STK17B: variants seen among roughly 807,000 people sequenced by gnomAD.
STK17B encodes serine/threonine kinase 17b, also known as serine/threonine-protein kinase 17B.
In STK17B, 21 loss-of-function variants were observed where a neutral mutation model predicts 42.0. That is an observed-to-expected ratio of 0.50 (90% CI 0.35 to 0.72). The LOEUF (loss-of-function observed/expected upper bound fraction) is 0.72. Among genes scored for constraint, STK17B ranks in the 30% least tolerant of loss-of-function variants. STK17B has a pLI of 0.00. For missense variants in STK17B, 349 were observed against 446.0 expected, an observed-to-expected ratio of 0.78 and a Z score of 1.96; for synonymous variants, 143 against 148.4, an observed-to-expected ratio of 0.96 and a Z score of 0.26.
chr2:196,134,889 T>G lies in STK17B; in HGVS notation c.*2558A>C, dbSNP rs568072584. ...AATCTTGGGAGAAAAAGAGTAAGAATTGAATCATTTGCTAAAAAGCTCTTA... is the reference window on the plus strand; with the variant it reads ...AATCTTGGGAGAAAAAGAGTAAGAAGTGAATCATTTGCTAAAAAGCTCTTA... On this transcript the variant is annotated 3_prime_UTR_variant, in exon 8 of 8. Coordinates refer to ENST00000263955, the MANE Select transcript of STK17B (RefSeq NM_004226.4). The G allele has an allele frequency of 6.6e-6, 1 of 152,330 alleles. No homozygotes were observed. The highest frequency in any genetic ancestry group is 2.4e-5 in the African/African-American group (1 of 41,576). 9.4% of individuals were successfully genotyped at this position (152,330 alleles called of 1,614,324 possible).
At chr2:196,172,302 A>C (rs1699958302), upstream of STK17B, among the ~76,000 whole-genome samples, 1 of 152,236 alleles carries the variant, frequency 6.6e-6, no homozygotes, top group East Asian at 1.9e-4. Context: ...AAGATCTGTT[A>C]TCCTTTGAAG....
intron 5 of STK17B, 39 bp from the exon 6 acceptor site, chr2:196,141,336 A>G (rs1699490852): frequency 6.7e-7 from 1 of 1,503,718 alleles, no homozygotes; most frequent in Non-Finnish European, 9.2e-7. Flanking sequence ...ATATTGACAA[A>G]TTTTAAAACA....
intron 1 of STK17B, among the ~76,000 whole-genome samples, chr2:196,163,910 G>A (rs955416060): frequency 4.6e-5 from 7 of 151,406 alleles, no homozygotes; most frequent in Non-Finnish European, 8.8e-5. Context: ...GTAGTGGCTC[G>A]CACCTGTAGT....
chr2:196,140,668 G>A (rs1204738875), intron 6 of STK17B, among the ~76,000 whole-genome samples: 1 of 140,760 alleles, frequency 7.1e-6, no homozygotes, highest in Non-Finnish European at 1.5e-5. Context: ...TGGTTCAAGT[G>A]ATTCTCCTGC....
intron 2 of STK17B, among the ~76,000 whole-genome samples, chr2:196,158,268 G>A (rs1158997259): frequency 6.6e-6 from 1 of 152,096 alleles, no homozygotes; most frequent in Admixed American, 6.6e-5. Context: ...TATTCGCAAA[G>A]GCCAAGATGA....
chr2:196,138,354 T>C (rs994148233), intron 7 of STK17B, among the ~76,000 whole-genome samples: 8 of 152,340 alleles, frequency 5.3e-5, no homozygotes, highest in African/African-American at 1.9e-4. Context: ...ACAGCTGTAT[T>C]ATTTAGTACT....
intron 2 of STK17B, among the ~76,000 whole-genome samples, chr2:196,157,260 A>G (rs1230848081): frequency 1.3e-5 from 2 of 152,186 alleles, no homozygotes; most frequent in Non-Finnish European, 2.9e-5. Flanking sequence ...GTATCACAAC[A>G]ATCCTATATA....
chr2:196,135,565 G>A lies in STK17B; in HGVS notation c.*1882C>T, dbSNP rs1399267203. On this transcript the variant is annotated 3_prime_UTR_variant, in exon 8 of 8. Coordinates refer to ENST00000263955, the MANE Select transcript of STK17B (RefSeq NM_004226.4). ...GGCCGAGGCGGGTGGATCACTTGAA[G>A]TCAGGAGTTTGTGACCAGCCTGGCC... The A allele has an allele frequency of 6.6e-6, 1 of 152,158 alleles. No homozygotes were observed. The highest frequency in any genetic ancestry group is 2.4e-5 in the African/African-American group (1 of 41,420). The allele number at this position is 152,158 out of a possible 1,614,324, so 9.4% of individuals were successfully genotyped here.
At chr2:196,164,908 G>A (rs751760553) in intron 1 of STK17B, among the ~76,000 whole-genome samples, 2 of 152,092 alleles carry the variant, frequency 1.3e-5, no homozygotes, top group Non-Finnish European at 2.9e-5. Flanking sequence ...AACTAGTTTT[G>A]GGGTACATCT....
chr2:196,134,649 G>A lies in STK17B; in HGVS notation c.*2798C>T, dbSNP rs1000480932. 1.3e-5 allele frequency: 2 copies of A among 152,114 alleles called. No homozygotes were observed. The highest frequency in any genetic ancestry group is 2.4e-5 in the African/African-American group (1 of 41,430). 9.4% of individuals were successfully genotyped at this position (152,114 alleles called of 1,614,324 possible). ...ACTGCTCAGAGCTAGGTTCTTTACT[G>A]TAGGGAAAATAATTAAAATGACAAT... On this transcript the variant is annotated 3_prime_UTR_variant, in exon 8 of 8. Coordinates refer to ENST00000263955, the MANE Select transcript of STK17B (RefSeq NM_004226.4).
At chr2:196,169,923 A>C (rs535844747) in intron 1 of STK17B, among the ~76,000 whole-genome samples, 1 of 152,164 alleles carries the variant, frequency 6.6e-6, no homozygotes, top group Non-Finnish European at 1.5e-5. Context: ...TACAATATGT[A>C]TCTCAAAAAT....
At chr2:196,160,230 T>A (rs570541724) in intron 2 of STK17B, among the ~76,000 whole-genome samples, 1 of 140,974 alleles carries the variant, frequency 7.1e-6, no homozygotes, top group African/African-American at 2.5e-5. Context: ...CATTCTAGAA[T>A]ACACAATAAA....
chr2:196,135,032 T>C lies in STK17B; in HGVS notation c.*2415A>G, dbSNP rs1251129955. The C allele has an allele frequency of 1.3e-5, 2 of 152,190 alleles. No homozygotes were observed. Among genetic ancestry groups the C allele is most frequent in the African/African-American group, 4.8e-5 (2 of 41,440 alleles). The allele number at this position is 152,190 out of a possible 1,614,324, so 9.4% of individuals were successfully genotyped here. Reference sequence around the variant, plus strand: ...ACTAGTTGCTTTTTTACTATAAAACTTAATATCAGGAAAAAAGGCATGGAA... The same window carrying C: ...ACTAGTTGCTTTTTTACTATAAAACCTAATATCAGGAAAAAAGGCATGGAA... On this transcript the variant is annotated 3_prime_UTR_variant, in exon 8 of 8. Coordinates refer to ENST00000263955, the MANE Select transcript of STK17B (RefSeq NM_004226.4).
chr2:196,160,766 T>G (rs1699801692), intron 2 of STK17B, among the ~76,000 whole-genome samples: 1 of 152,204 alleles, frequency 6.6e-6, no homozygotes, highest in African/African-American at 2.4e-5. Flanking sequence ...CATAAAGATA[T>G]TTTAAAATGG....
intron 1 of STK17B, among the ~76,000 whole-genome samples, chr2:196,164,350 A>T (rs770150944): frequency 1.7e-4 from 26 of 152,192 alleles, no homozygotes; most frequent in Non-Finnish European, 3.4e-4. Flanking sequence ...ATTTTGTTGG[A>T]AGAGTGACTA....
chr2:196,141,306 AAAGAT>A lies in STK17B; in HGVS notation c.608-14_608-10del. The A allele has an allele frequency of 6.2e-7, 1 of 1,600,004 alleles. No homozygotes were observed. Among genetic ancestry groups the A allele is most frequent in the Non-Finnish European group, 8.5e-7 (1 of 1,171,566 alleles). Reference sequence around the variant, plus strand: ...GTTCAGGATTTCTGGAGCTGAAAGAAAAGATAAAACTTAAATTCAATATTGACAAA... The same window carrying A: ...GTTCAGGATTTCTGGAGCTGAAAGAAAAAACTTAAATTCAATATTGACAAA... On this transcript the variant is annotated splice_polypyrimidine_tract_variant and intron_variant, in intron 5 of 7. Coordinates refer to ENST00000263955, the MANE Select transcript of STK17B (RefSeq NM_004226.4).
chr2:196,164,380 T>C (rs16846123), intron 1 of STK17B, among the ~76,000 whole-genome samples: 7,257 of 152,278 alleles, frequency 0.048, 405 homozygotes, highest in African/African-American at 0.13. Flanking sequence ...TAAAGCTTTA[T>C]TTCGAAGTTC....
chr2:196,163,563 A>T, intron 1 of STK17B, 136 bp from the exon 2 acceptor site: 2 of 614,252 alleles, frequency 3.3e-6, no homozygotes, highest in Non-Finnish European at 4.8e-6. Context: ...ATCCACAAGG[A>T]GGAAAAAACA....
chr2:196,151,632 A>C (rs1384809786), intron 3 of STK17B: 1 of 152,202 alleles, frequency 6.6e-6, no homozygotes, highest in Non-Finnish European at 1.5e-5. Context: ...GAAGTTTTTT[A>C]AAAAGATTTT....
Sources: allele counts gnomAD v4.1 joint callset (sites outside exome capture counted in the v4.1 genomes callset), GRCh38; gene constraint gnomAD v4.1.1; transcripts MANE v1.5; gene names NCBI Gene and HGNC (gene_info 2026-07-23, HGNC 2026-07-21).